The following EFR3B variants were observed in gnomAD, a reference collection of about 807,000 sequenced individuals.
EFR3B encodes the protein protein EFR3 homolog B.
In EFR3B, 64 loss-of-function variants were observed where a neutral mutation model predicts 104.7. The observed-to-expected ratio is 0.61, with a 90% CI of 0.50 to 0.75. The LOEUF (loss-of-function observed/expected upper bound fraction) is 0.75. Ranked by LOEUF, EFR3B falls within the 30% of genes least tolerant of loss-of-function variation. EFR3B has a pLI of 0.00. For synonymous variants in EFR3B, 385 were observed against 417.9 expected (o/e 0.92, Z 0.96); for missense variants, 750 against 1,078.5 (o/e 0.70, Z 4.27).
chr2:25,091,083 C>T (rs2149184530), intron 1 of EFR3B, among the ~76,000 whole-genome samples: 1 of 152,074 alleles, frequency 6.6e-6, no homozygotes, highest in Non-Finnish European at 1.5e-5. Context: ...GTGCCCAACC[C>T]CCAAGCAAAA....
intron 1 of EFR3B, among the ~76,000 whole-genome samples, chr2:25,082,961 C>T (rs948191063): frequency 6.6e-6 from 1 of 152,144 alleles, no homozygotes; most frequent in Non-Finnish European, 1.5e-5. Flanking sequence ...TGGGGAAGAA[C>T]ATTCTGGACA....
chr2:25,139,399 G>C (rs1269820275), intron 16 of EFR3B, among the ~76,000 whole-genome samples: 1 of 151,944 alleles, frequency 6.6e-6, no homozygotes, highest in East Asian at 1.9e-4. Flanking sequence ...ACAGGGGTTG[G>C]GGGGGGTCTT....
intron 1 of EFR3B, among the ~76,000 whole-genome samples, chr2:25,060,936 A>AAACGAAC (rs1668175225): frequency 6.7e-6 from 1 of 150,312 alleles, no homozygotes; most frequent in Non-Finnish European, 1.5e-5. Context: ...ACAAACAAAC[A>AAACGAAC]AACAACAACA....
intron 20 of EFR3B, 116 bp downstream of exon 20, chr2:25,149,858 T>G: frequency 1.1e-6 from 1 of 930,454 alleles, no homozygotes; most frequent in Non-Finnish European, 1.7e-6. Flanking sequence ...AGCACCTGCG[T>G]GAAGGGAGAG....
chr2:25,060,899 C>A (rs374081629), intron 1 of EFR3B, among the ~76,000 whole-genome samples: 1 of 148,522 alleles, frequency 6.7e-6, no homozygotes, highest in Admixed American at 6.8e-5. Flanking sequence ...CCAGCCTGGG[C>A]GACACGACGA....
In EFR3B at chr2:25,153,987, C is replaced by T. The variant is rs138934727; in HGVS notation, c.2348+226C>T. Among the ~76,000 whole-genome samples, 443 of 152,152 alleles carry T rather than the reference C, an allele frequency of 2.9e-3. 1 individual carries two copies. Among genetic ancestry groups the T allele is most frequent in the South Asian group, 4.2e-3 (20 of 4,816 alleles). On this transcript the variant is annotated intron_variant, in intron 22 of 22. Coordinates refer to ENST00000403714, the MANE Select transcript of EFR3B (RefSeq NM_014971.2). ...CCTGCCTCAATGAAACCTGGAAAGA[C>T]GCAAGAGTCCTAGTGTTCCGGGCTG...
chr2:25,080,766 T>A, intron 1 of EFR3B: 1 of 1,288,352 alleles, frequency 7.8e-7, no homozygotes, highest in Non-Finnish European at 1.1e-6. Context: ...GGCGTTAGGC[T>A]GAATTAGAGT....
chr2:25,070,057 G>T (rs531354504), intron 1 of EFR3B, among the ~76,000 whole-genome samples: 19 of 152,288 alleles, frequency 1.2e-4, no homozygotes, highest in Non-Finnish European at 2.6e-4. Context: ...GCTGTCGAAA[G>T]GACAGTAACT....
intron 1 of EFR3B, among the ~76,000 whole-genome samples, chr2:25,053,462 A>G (rs1017979836): frequency 6.6e-6 from 1 of 152,198 alleles, no homozygotes; most frequent in Non-Finnish European, 1.5e-5. Flanking sequence ...TGTCACCACC[A>G]AGGCTGGGCC....
intron 4 of EFR3B, among the ~76,000 whole-genome samples, chr2:25,110,323 C>T (rs1363864881): frequency 6.6e-6 from 1 of 152,208 alleles, no homozygotes; most frequent in Admixed American, 6.5e-5. Flanking sequence ...GTTGGGGCCT[C>T]TACACATATG....
In EFR3B at chr2:25,128,350, G is replaced by C. The variant is rs1670223248; in HGVS notation, c.635+18G>C. The C allele has an allele frequency of 3.2e-6, 5 of 1,551,514 alleles. No individual in the cohort carries two copies. Among genetic ancestry groups the C allele is most frequent in the Admixed American group, 2.0e-5 (1 of 50,980 alleles). On this transcript the variant is annotated intron_variant, in intron 6 of 22. Coordinates refer to ENST00000403714, the MANE Select transcript of EFR3B (RefSeq NM_014971.2). ...GCAGAGAGGTAAGCAGGCCGGGATG[G>C]GGCAGGACAGTAGATATAATCAACC...
At chr2:25,102,773 C>T (rs1291771237) in intron 3 of EFR3B, among the ~76,000 whole-genome samples, 2 of 152,098 alleles carry the variant, frequency 1.3e-5, no homozygotes, top group African/African-American at 4.8e-5. Flanking sequence ...GTTGTTCACT[C>T]AGGCTTTAGA....
At chr2:25,064,398 G>T (rs866550552) in intron 1 of EFR3B, among the ~76,000 whole-genome samples, 1 of 152,188 alleles carries the variant, frequency 6.6e-6, no homozygotes, top group African/African-American at 2.4e-5. Context: ...TACTATATTT[G>T]ATACTGTGTG....
At chr2:25,043,455 G>A (rs2149160499) in intron 1 of EFR3B, among the ~76,000 whole-genome samples, 1 of 152,302 alleles carries the variant, frequency 6.6e-6, no homozygotes, top group South Asian at 2.1e-4. Flanking sequence ...AGAGCCTGGT[G>A]GAAAGGCTCA....
intron 1 of EFR3B, among the ~76,000 whole-genome samples, chr2:25,063,974 G>A (rs907323134): frequency 3.9e-5 from 6 of 152,250 alleles, no homozygotes; most frequent in Non-Finnish European, 7.3e-5. Flanking sequence ...ATGCGCGGTA[G>A]AGCTGCTGCA....
intron 1 of EFR3B, among the ~76,000 whole-genome samples, chr2:25,044,478 T>C (rs527431379): frequency 2.0e-5 from 3 of 152,232 alleles, no homozygotes; most frequent in African/African-American, 4.8e-5. Context: ...AGACTTCTTA[T>C]AATTGCAATT....
At chr2:25,069,644 T>C (rs1030797297) in intron 1 of EFR3B, among the ~76,000 whole-genome samples, 2 of 152,224 alleles carry the variant, frequency 1.3e-5, no homozygotes, top group Non-Finnish European at 2.9e-5. Context: ...TATACCACTT[T>C]TAATTATATG....
intron 4 of EFR3B, among the ~76,000 whole-genome samples, chr2:25,120,481 TA>T (rs1669982423): frequency 6.6e-6 from 1 of 151,830 alleles, no homozygotes; most frequent in Admixed American, 6.6e-5. Context: ...CCGTCTCTAC[TA>T]AAAATACAAA....
chr2:25,133,090 C>G, intron 11 of EFR3B, 76 bp downstream of exon 11: 1 of 1,343,986 alleles, frequency 7.4e-7, no homozygotes, highest in Non-Finnish European at 1.0e-6. Context: ...CTTTATCCCT[C>G]TTAATTTTCT....
Sources: allele counts gnomAD v4.1 joint callset (sites outside exome capture counted in the v4.1 genomes callset), GRCh38; gene constraint gnomAD v4.1.1; transcripts MANE v1.5; gene names NCBI Gene and HGNC (gene_info 2026-07-23, HGNC 2026-07-21).